AP2A2: variants seen among roughly 807,000 people sequenced by gnomAD.
AP2A2 encodes the protein adaptor related protein complex 2 subunit alpha 2, also known as AP-2 complex subunit alpha-2.
Under a neutral mutation model 104.2 loss-of-function variants are expected in AP2A2, and 32 were observed. The ratio of observed to expected loss-of-function variants is 0.31; its 90% CI spans 0.23 to 0.41. The LOEUF is 0.41. Among genes scored for constraint, AP2A2 ranks in the 10% least tolerant of loss-of-function variants. AP2A2 has a pLI of 1.00. For synonymous variants in AP2A2, 539 were observed against 533.3 expected (o/e 1.01, Z -0.15); for missense variants, 912 against 1,261.0 (o/e 0.72, Z 4.19).
At chr11:956,305 G>C (rs1419681541) in intron 1 of AP2A2, among the ~76,000 whole-genome samples, 2 of 152,088 alleles carry the variant, frequency 1.3e-5, no homozygotes, top group East Asian at 3.9e-4. Flanking sequence ...TGGGATTACA[G>C]GCATGCGCCA....
In AP2A2 at chr11:981,251, A is replaced by G; in HGVS notation, c.657A>G (p.Pro219=). ...TCACCACTTTAGCACAGAAGAACCC[A>G]GAAGAGTTTAAAACCTCCGTGTCTC... ...SLITTLAQKN[P]EEFKTSVSLA... The change falls in exon 6 of 22, where the codon CCA becomes CCG. Residue 219 remains proline (P), a synonymous_variant. Coordinates refer to ENST00000448903, the MANE Select transcript of AP2A2 (RefSeq NM_012305.4). 1 of 1,613,756 alleles carries G rather than the reference A, an allele frequency of 6.2e-7. No individual in the cohort carries two copies. Among genetic ancestry groups the G allele is most frequent in the South Asian group, 1.1e-5 (1 of 90,926 alleles).
At position 993,706 on chromosome 11, in the gene AP2A2, C is replaced by T. The variant is rs1347117817; in HGVS notation, c.1551-48C>T. The T allele has an allele frequency of 4.1e-6, 6 of 1,453,188 alleles. No individual in the cohort carries two copies. In the African/African-American group the frequency reaches 4.2e-5, roughly 10 times the overall value. 90.0% of individuals were successfully genotyped at this position (1,453,188 alleles called of 1,614,324 possible). On this transcript the variant is annotated intron_variant, in intron 12 of 21. Transcript: ENST00000448903. The surrounding 1 kb of genome is among the most constrained non-coding windows in gnomAD (Gnocchi z 8.2). ...CCCCCCCCGCGGGGGCGTGCTGCAG[C>T]CTGCGAGGGGACGACGGTGTCCCTG...
At chr11:1,006,435 C>A (rs1856208629) in intron 16 of AP2A2, 93 bp from the exon 17 acceptor site, 1 of 888,618 alleles carries the variant, frequency 1.1e-6, no homozygotes, top group East Asian at 2.4e-5. Context: ...TTAAATTCAG[C>A]TGAAGATTGT....
chr11:967,518 C>T (rs533819487), intron 2 of AP2A2, among the ~76,000 whole-genome samples: 1 of 151,988 alleles, frequency 6.6e-6, no homozygotes, highest in East Asian at 2.0e-4. Flanking sequence ...CCCGCCACCA[C>T]GCCCGGCTTA....
chr11:937,393 G>A (rs1589944780), intron 1 of AP2A2, among the ~76,000 whole-genome samples: 1 of 152,066 alleles, frequency 6.6e-6, no homozygotes, highest in African/African-American at 2.4e-5. Flanking sequence ...TGCCGTGAGC[G>A]CATGTCAGAT....
At chr11:1,008,245 C>T (rs1262521828) in intron 18 of AP2A2, 110 bp downstream of exon 18, 23 of 1,396,792 alleles carry the variant, frequency 1.6e-5, no homozygotes, top group Non-Finnish European at 2.2e-5. Flanking sequence ...CCGGGGCGTG[C>T]GGGTGCTCAC....
chr11:938,800 CCTT>C lies in AP2A2; in HGVS notation c.67+12715_67+12717del, dbSNP rs377476613. 1.1e-4 allele frequency among the ~76,000 whole-genome samples: 17 copies of C among 152,114 alleles called. No homozygotes were observed. The East Asian group carries it at 1.7e-3, about 16-fold the overall frequency. ...AAATGTTTGTATGTTTTTACAGACTCCTTCTGTGCTTTCTAGTCTGTTCTATGA... is the reference window on the plus strand; with the variant it reads ...AAATGTTTGTATGTTTTTACAGACTCCTGTGCTTTCTAGTCTGTTCTATGA... On this transcript the variant is annotated intron_variant, in intron 1 of 21. Transcript: ENST00000448903.
In AP2A2 at chr11:1,006,970, G is replaced by T. The variant is rs996371802; in HGVS notation, c.2296+353G>T. On this transcript the variant is annotated intron_variant, in intron 17 of 21. Coordinates refer to ENST00000448903, the MANE Select transcript of AP2A2 (RefSeq NM_012305.4). Reference sequence around the variant, plus strand: ...CCGAAGCCTCACAGAGCTGCTGCTTGCAGAGTGTGGGAGGCGCCAGTGGGG... The same window carrying T: ...CCGAAGCCTCACAGAGCTGCTGCTTTCAGAGTGTGGGAGGCGCCAGTGGGG... 3.8e-5 allele frequency: 8 copies of T among 211,264 alleles called. No homozygotes were observed. In the East Asian group the frequency reaches 1.0e-3, roughly 26 times the overall value. The allele number at this position is 211,264 out of a possible 1,614,324, so 13.1% of individuals were successfully genotyped here.
intron 6 of AP2A2, among the ~76,000 whole-genome samples, chr11:983,414 A>C (rs188033769): frequency 5.2e-4 from 78 of 149,538 alleles, no homozygotes; most frequent in African/African-American, 1.8e-3. Flanking sequence ...ATGGAGTCTC[A>C]CTCTGTCGCC....
chr11:952,448 T>A (rs1167958618), intron 1 of AP2A2, among the ~76,000 whole-genome samples: 1 of 152,060 alleles, frequency 6.6e-6, no homozygotes, highest in Non-Finnish European at 1.5e-5. Context: ...CCCTATAGAG[T>A]GTGTTCTTTG....
intron 18 of AP2A2, chr11:1,008,716 G>A: frequency 3.8e-6 from 1 of 262,810 alleles, no homozygotes; most frequent in Admixed American, 4.8e-5. Flanking sequence ...AAAAGACAGA[G>A]AACTTAAGAT....
Position 1,011,525 on chromosome 11 carries a change from A to G in AP2A2, c.*900A>G, listed in dbSNP as rs370322057. 1.9e-5 allele frequency: 9 copies of G among 485,702 alleles called. No individual in the cohort carries two copies. Among genetic ancestry groups the G allele is most frequent in the Admixed American group, 4.4e-5 (2 of 45,848 alleles). 30.1% of individuals were successfully genotyped at this position (485,702 alleles called of 1,614,324 possible). A position where few individuals can be genotyped will look rare whatever the true frequency, so the allele number is the denominator to read the frequency against. Reference sequence around the variant, plus strand: ...TGTGTGGTCAGGAAGTGAAGGGGCCATTGGCCGCATGCCATGTGCCACCTG... The same window carrying G: ...TGTGTGGTCAGGAAGTGAAGGGGCCGTTGGCCGCATGCCATGTGCCACCTG... On this transcript the variant is annotated 3_prime_UTR_variant, in exon 22 of 22. Coordinates refer to ENST00000448903, the MANE Select transcript of AP2A2 (RefSeq NM_012305.4).
At chr11:963,745 C>T (rs549920954) in intron 2 of AP2A2, among the ~76,000 whole-genome samples, 1 of 152,342 alleles carries the variant, frequency 6.6e-6, no homozygotes, top group Admixed American at 6.5e-5. Flanking sequence ...ACCTTGGCCT[C>T]CCAAGTAACT....
In AP2A2 at chr11:1,008,050, G is replaced by T; in HGVS notation, c.2335G>T (p.Glu779Ter). 1 of 1,577,262 alleles carries T rather than the reference G, an allele frequency of 6.3e-7. No homozygotes were observed. The highest frequency in any genetic ancestry group is 8.6e-7 in the Non-Finnish European group (1 of 1,162,340). The change falls in exon 18 of 22, where the codon GAG (glutamate) becomes TAG (stop). Residue 779 changes from glutamate (E) to a stop codon, truncating the protein, a stop_gained. Coordinates refer to ENST00000448903, the MANE Select transcript of AP2A2 (RefSeq NM_012305.4). LOFTEE classifies it high-confidence loss of function. ...LQTKPVDPTV[E>*]GGAQVQQVVN... Reference sequence around the variant, plus strand: ...GACCAAGCCCGTGGACCCGACCGTGGAGGGGGGCGCGCAGGTGCAGCAGGT... The same window carrying T: ...GACCAAGCCCGTGGACCCGACCGTGTAGGGGGGCGCGCAGGTGCAGCAGGT...
In AP2A2 at chr11:959,563, A is replaced by C; in HGVS notation, c.136+58A>C. The C allele has an allele frequency of 2.5e-6, 3 of 1,179,508 alleles. No homozygotes were observed. In the Admixed American group the frequency reaches 6.7e-5, roughly 26 times the overall value. 73.1% of individuals were successfully genotyped at this position (1,179,508 alleles called of 1,614,324 possible). On this transcript the variant is annotated intron_variant, in intron 2 of 21. Coordinates refer to ENST00000448903, the MANE Select transcript of AP2A2 (RefSeq NM_012305.4). The stretch of plus-strand genomic sequence containing the variant: ...CTGTTGTAAATTTTCTGTAGTAAGA[A>C]CCCAGTCTTTTAATACTGTCTTCTT...
At chr11:959,081 A>T (rs1052322777) in intron 1 of AP2A2, among the ~76,000 whole-genome samples, 2 of 152,380 alleles carry the variant, frequency 1.3e-5, no homozygotes, top group Middle Eastern at 3.4e-3. Context: ...ACGATTTATC[A>T]TGGCAAACAT....
chr11:929,493 C>T (rs753707849), intron 1 of AP2A2, among the ~76,000 whole-genome samples: 1 of 152,252 alleles, frequency 6.6e-6, no homozygotes, highest in Non-Finnish European at 1.5e-5. Flanking sequence ...TCAGTTTCCT[C>T]AGCTGACGCT....
chr11:986,180 G>A (rs965072168), intron 8 of AP2A2, among the ~76,000 whole-genome samples: 1 of 152,224 alleles, frequency 6.6e-6, no homozygotes, highest in Non-Finnish European at 1.5e-5. Flanking sequence ...TCCCAATAAT[G>A]AGGGCACGTG....
chr11:1,010,883 G>C lies in AP2A2; in HGVS notation c.*258G>C, dbSNP rs539308395. 1 of 644,952 alleles carries C rather than the reference G, an allele frequency of 1.6e-6. No individual in the cohort carries two copies. The highest frequency in any genetic ancestry group is 1.8e-5 in the African/African-American group (1 of 55,810). 40.0% of individuals were successfully genotyped at this position (644,952 alleles called of 1,614,324 possible). A position where few individuals can be genotyped will look rare whatever the true frequency, so the allele number is the denominator to read the frequency against. ...ATCAATTTTTATAAAAATCGAGACA[G>C]TTCTGTGGTTAAATCTACAAATTAA... On this transcript the variant is annotated 3_prime_UTR_variant, in exon 22 of 22. Transcript: ENST00000448903.
Sources: allele counts gnomAD v4.1 joint callset (sites outside exome capture counted in the v4.1 genomes callset), GRCh38; gene constraint gnomAD v4.1.1; non-coding constraint Gnocchi (gnomAD v3.1); transcripts MANE v1.5; gene names NCBI Gene and HGNC (gene_info 2026-07-23, HGNC 2026-07-21).